LRP5: variants seen among roughly 807,000 people sequenced by gnomAD.
LRP5 encodes low-density lipoprotein receptor-related protein 5.
In LRP5, 62 loss-of-function variants were observed where a neutral mutation model predicts 154.1. That is an observed-to-expected ratio of 0.40 (90% CI 0.33 to 0.50). The LOEUF (loss-of-function observed/expected upper bound fraction) is 0.50. Ranked by LOEUF, LRP5 falls within the 20% of genes least tolerant of loss-of-function variation. The probability of loss-of-function intolerance (pLI) is 0.55; values close to 1 mark genes in which losing one functional copy is unlikely to be tolerated. For missense variants in LRP5, 1,915 were observed against 2,336.7 expected, an observed-to-expected ratio of 0.82 and a Z score of 3.72; for synonymous variants, 966 against 1,011.5, an observed-to-expected ratio of 0.96 and a Z score of 0.85.
chr11:68,402,837 G>T (rs1331882659), intron 7 of LRP5, among the ~76,000 whole-genome samples: 3 of 152,200 alleles, frequency 2.0e-5, no homozygotes, highest in Admixed American at 2.0e-4. Flanking sequence ...ACACCTGCTT[G>T]CCTGGTCTGT....
intron 1 of LRP5, among the ~76,000 whole-genome samples, chr11:68,336,749 G>A (rs1053724457): frequency 6.6e-6 from 1 of 152,174 alleles, no homozygotes; most frequent in Non-Finnish European, 1.5e-5. Flanking sequence ...GATTACAGTC[G>A]TGAGCCACCG....
chr11:68,406,903 A>C, intron 9 of LRP5, 90 bp downstream of exon 9: 1 of 1,306,176 alleles, frequency 7.7e-7, no homozygotes, highest in Non-Finnish European at 1.1e-6. Context: ...ACTTTTCTTA[A>C]AGCACTATCG....
At chr11:68,394,611 G>A (rs2098648213) in intron 7 of LRP5, among the ~76,000 whole-genome samples, 3 of 152,080 alleles carry the variant, frequency 2.0e-5, no homozygotes, top group Non-Finnish European at 2.9e-5. Flanking sequence ...GACTACAGGC[G>A]CCTGCCACCG....
At position 68,423,397 on chromosome 11, in the gene LRP5, G is replaced by A. The variant is rs2098666923; in HGVS notation, c.3028-92G>A. 2 of 1,224,210 alleles carry A rather than the reference G, an allele frequency of 1.6e-6. No individual in the cohort carries two copies. Among genetic ancestry groups the A allele is most frequent in the Non-Finnish European group, 2.4e-6 (2 of 826,892 alleles). 75.8% of individuals were successfully genotyped at this position (1,224,210 alleles called of 1,614,324 possible). ...AGCCAGTGCCCGGGGGTCTCCACCA[G>A]TGCCCGGGGGTCTCCGCCAGTGCCA... is the stretch of plus-strand genomic sequence containing the variant. On this transcript the variant is annotated intron_variant, in intron 13 of 22. Coordinates refer to ENST00000294304, the MANE Select transcript of LRP5 (RefSeq NM_002335.4). This position sits in a 1 kb window ranked among gnomAD's most constrained non-coding sequence, Gnocchi z 4.7.
chr11:68,446,392 C>T lies in LRP5; in HGVS notation c.4489-44C>T, dbSNP rs780668633. ...GGTGTGGGAGGAAGGAAGGAATGCC[C>T]AGGCTGGCGAGGCTCTAAGTCACCC... is the stretch of plus-strand genomic sequence containing the variant. On this transcript the variant is annotated intron_variant, in intron 21 of 22. Transcript: ENST00000294304. 14 of 1,335,056 alleles carry T rather than the reference C, an allele frequency of 1.0e-5. No individual in the cohort carries two copies. The East Asian group carries it at 2.8e-4, about 26-fold the overall frequency. The allele number at this position is 1,335,056 out of a possible 1,614,324, so 82.7% of individuals were successfully genotyped here. A position where few individuals can be genotyped will look rare whatever the true frequency, so the allele number is the denominator to read the frequency against.
intron 1 of LRP5, among the ~76,000 whole-genome samples, chr11:68,344,994 C>T (rs1283742455): frequency 6.6e-6 from 1 of 151,296 alleles, no homozygotes; most frequent in African/African-American, 2.4e-5. Flanking sequence ...TCCTTAGCAG[C>T]TGGAACTACA....
intron 3 of LRP5, 131 bp downstream of exon 3, chr11:68,357,978 C>G: frequency 1.2e-6 from 1 of 869,542 alleles, no homozygotes; most frequent in South Asian, 1.4e-5. Flanking sequence ...CAGGACTTCT[C>G]AGAACTTGGA....
At chr11:68,445,512 G>A (rs2098680913) in intron 21 of LRP5, 1 of 957,836 alleles carries the variant, frequency 1.0e-6, no homozygotes, top group African/African-American at 1.7e-5. Context: ...CCACCCTAGG[G>A]GGCCTGAGAG....
intron 13 of LRP5, among the ~76,000 whole-genome samples, chr11:68,418,783 G>A (rs990517990): frequency 3.9e-5 from 6 of 152,190 alleles, no homozygotes; most frequent in African/African-American, 1.2e-4. Context: ...CTGTGGTGTG[G>A]GTGGTGGAAA....
chr11:68,372,742 A>G (rs1203512676), intron 5 of LRP5, among the ~76,000 whole-genome samples: 2 of 152,074 alleles, frequency 1.3e-5, no homozygotes, highest in African/African-American at 4.8e-5. Flanking sequence ...GGTTGTAATC[A>G]GAAGTAGCTT....
At position 68,360,723 on chromosome 11, in the gene LRP5, C is replaced by T. The variant is rs866711740; in HGVS notation, c.686+2876C>T. On this transcript the variant is annotated intron_variant, in intron 3 of 22. Coordinates refer to ENST00000294304, the MANE Select transcript of LRP5 (RefSeq NM_002335.4). ...CTGAAAAATGGCCACATGGGCTGGG[C>T]GCCATGGCTTACGCGTGTAATCCCA... 1.3e-4 allele frequency among the ~76,000 whole-genome samples: 20 copies of T among 152,152 alleles called. No individual in the cohort carries two copies. In the South Asian group the frequency reaches 3.1e-3, roughly 24 times the overall value.
intron 3 of LRP5, among the ~76,000 whole-genome samples, chr11:68,359,558 G>A (rs1652823680): frequency 6.6e-6 from 1 of 152,188 alleles, no homozygotes; most frequent in Admixed American, 6.5e-5. Context: ...ACATGCTAAT[G>A]GTGGTGGCGG....
Position 68,413,941 on chromosome 11 carries a change from C to T in LRP5, c.2756C>T (p.Ala919Val), listed in dbSNP as rs865842130. 6.2e-7 allele frequency: 1 copy of T among 1,610,132 alleles called. No homozygotes were observed. ...GGGCAGTGTGGGCAGCTGTGCCTTG[C>T]CATCCCCGGCGGCCACCGCTGCGGC... The part of the protein sequence containing the change: ...NNGQCGQLCL[A>V]IPGGHRCGCA... The change falls in exon 12 of 23, where the codon GCC becomes GTC. Residue 919 changes from alanine (A) to valine (V), a missense_variant. Coordinates refer to ENST00000294304, the MANE Select transcript of LRP5 (RefSeq NM_002335.4). The surrounding 1 kb of genome is among the most constrained non-coding windows in gnomAD (Gnocchi z 5.1).
At position 68,406,737 on chromosome 11, in the gene LRP5, C is replaced by T. The variant is rs575865236; in HGVS notation, c.2015C>T (p.Thr672Met). ...AACAACGACGTGGCCATCCCGCTCACGGGCGTCAAGGAGGCCTCAGCCCTG... is the reference window on the plus strand; with the variant it reads ...AACAACGACGTGGCCATCCCGCTCATGGGCGTCAAGGAGGCCTCAGCCCTG... ...TNNNDVAIPL[T>M]GVKEASALDF... Residue 672 changes from threonine (T) to methionine (M), a missense_variant, in exon 9 of 23, where the codon ACG (threonine) becomes ATG (methionine). This residue lies in a region of LRP5 where 773 missense variants were observed against 1,100.9 expected (regional missense o/e 0.70). Coordinates refer to ENST00000294304, the MANE Select transcript of LRP5 (RefSeq NM_002335.4). 6.9e-5 allele frequency: 111 copies of T among 1,614,118 alleles called. No homozygotes were observed. Among genetic ancestry groups the T allele is most frequent in the South Asian group, 4.8e-4 (44 of 91,080 alleles).
intron 8 of LRP5, chr11:68,404,260 C>G: frequency 1.9e-6 from 1 of 523,292 alleles, no homozygotes; most frequent in African/African-American, 1.9e-5. Context: ...CATCCAGGTG[C>G]GGCAGGGACA....
rs372439915 is a variant in LRP5 at position 68,395,862 on chromosome 11, G to A, written c.1584+5810G>A. On this transcript the variant is annotated intron_variant, in intron 7 of 22. Coordinates refer to ENST00000294304, the MANE Select transcript of LRP5 (RefSeq NM_002335.4). Reference sequence around the variant, plus strand: ...TCTTTTCCTCCTGCAAGTGGCCACCGCTCTTGGGTATGTCCTCAGGCTTCT... The same window carrying A: ...TCTTTTCCTCCTGCAAGTGGCCACCACTCTTGGGTATGTCCTCAGGCTTCT... Among the ~76,000 whole-genome samples, 9 of 152,240 alleles carry A rather than the reference G, an allele frequency of 5.9e-5. No individual in the cohort carries two copies. The East Asian group carries it at 1.4e-3, about 23-fold the overall frequency.
intron 7 of LRP5, among the ~76,000 whole-genome samples, chr11:68,395,409 G>A (rs1176919453): frequency 6.6e-6 from 1 of 151,994 alleles, no homozygotes; most frequent in Non-Finnish European, 1.5e-5. Flanking sequence ...GTCATGCACT[G>A]GAAGCTCATT....
chr11:68,329,002 C>T (rs1489511912), intron 1 of LRP5, among the ~76,000 whole-genome samples: 2 of 152,144 alleles, frequency 1.3e-5, no homozygotes, highest in Non-Finnish European at 2.9e-5. Context: ...CCCGCCCTTC[C>T]CACACGTGTG....
chr11:68,425,398 CCAGG>C (rs1565103093), intron 15 of LRP5, 106 bp downstream of exon 15: 5 of 1,190,134 alleles, frequency 4.2e-6, no homozygotes, highest in Non-Finnish European at 6.0e-6. Context: ...CAGTGCCGCG[CCAGG>C]GGCTTTGTGT....
Sources: gnomAD v4.1 joint callset for allele counts (sites outside exome capture counted in the v4.1 genomes callset) on GRCh38, gnomAD v4.1.1 for gene constraint, gnomAD v4.1.1 regional missense constraint, Gnocchi (gnomAD v3.1) non-coding constraint, MANE v1.5 for transcripts, NCBI Gene and HGNC (gene_info 2026-07-23, HGNC 2026-07-21) for gene names.